The following COPG2 variants were observed in gnomAD, a reference collection of about 807,000 sequenced individuals.
COPG2 encodes coatomer subunit gamma-2.
A neutral mutation model predicts 46.3 loss-of-function variants in COPG2; 37 were observed. That is an observed-to-expected ratio of 0.80 (90% CI 0.61 to 1.05). The LOEUF (loss-of-function observed/expected upper bound fraction) is 1.05, where lower values mean the gene tolerates loss of function less well. Ranked by LOEUF, COPG2 falls within the 50% of genes least tolerant of loss-of-function variation. The pLI is 0.00. For missense variants in COPG2, 427 were observed against 387.8 expected, an observed-to-expected ratio of 1.10 and a Z score of -0.85; for synonymous variants, 159 against 129.7, an observed-to-expected ratio of 1.23 and a Z score of -1.53.
At chr7:130,622,701 T>TAA (rs1191773174) in intron 5 of COPG2, among the ~76,000 whole-genome samples, 1 of 152,140 alleles carries the variant, frequency 6.6e-6, no homozygotes, top group Non-Finnish European at 1.5e-5. Flanking sequence ...CATTCTACAT[T>TAA]TCCTTCCCCA....
chr7:130,552,281 G>A (rs1159481509), intron 15 of COPG2, 74 bp downstream of exon 15: 1 of 396,368 alleles, frequency 2.5e-6, no homozygotes, highest in Non-Finnish European at 4.4e-6. Flanking sequence ...TCCGCCCTAT[G>A]GTAGAATGAG....
chr7:130,667,182 T>C (rs954534833), intron 2 of COPG2, among the ~76,000 whole-genome samples: 30 of 152,244 alleles, frequency 2.0e-4, no homozygotes, highest in African/African-American at 6.5e-4. Context: ...AATACTTATC[T>C]ATATCATACT....
intron 14 of COPG2, among the ~76,000 whole-genome samples, chr7:130,553,651 G>A (rs1389151990): frequency 6.6e-6 from 1 of 152,186 alleles, no homozygotes; most frequent in Non-Finnish European, 1.5e-5. Context: ...GACATGACTG[G>A]AATGTCACAG....
At chr7:130,629,406 T>TTC in intron 5 of COPG2, among the ~76,000 whole-genome samples, 1 of 151,610 alleles carries the variant, frequency 6.6e-6, no homozygotes, top group African/African-American at 2.4e-5. Context: ...ATCATTTTTT[T>TTC]TTTTTTGAGA....
At chr7:130,602,238 G>A (rs1157673654) in intron 9 of COPG2, among the ~76,000 whole-genome samples, 1 of 152,006 alleles carries the variant, frequency 6.6e-6, no homozygotes, top group Non-Finnish European at 1.5e-5. Context: ...TCTATTTGAA[G>A]GCTTTACCTC....
At chr7:130,510,905 G>C (rs782598044) in intron 20 of COPG2, 6 of 519,884 alleles carry the variant, frequency 1.2e-5, no homozygotes, top group Non-Finnish European at 2.3e-5. Flanking sequence ...GTAAATATGA[G>C]AGTTACACAG....
intron 5 of COPG2, among the ~76,000 whole-genome samples, chr7:130,617,341 C>T (rs782034636): frequency 2.6e-5 from 4 of 152,134 alleles, no homozygotes; most frequent in Non-Finnish European, 5.9e-5. Flanking sequence ...ATCACGTAAA[C>T]AAAACAACCC....
intron 6 of COPG2, among the ~76,000 whole-genome samples, chr7:130,615,242 T>A (rs1172670136): frequency 6.6e-6 from 1 of 152,260 alleles, no homozygotes; most frequent in South Asian, 2.1e-4. Flanking sequence ...CATTCTTTTA[T>A]ACTTATAGCC....
At chr7:130,571,860 T>TATAC (rs1793909104) in intron 9 of COPG2, among the ~76,000 whole-genome samples, 1 of 151,760 alleles carries the variant, frequency 6.6e-6, no homozygotes, top group Non-Finnish European at 1.5e-5. Context: ...TATATATATA[T>TATAC]ACACAAACGC....
intron 5 of COPG2, among the ~76,000 whole-genome samples, chr7:130,646,636 G>C (rs1238729152): frequency 1.3e-5 from 2 of 151,956 alleles, no homozygotes; most frequent in Non-Finnish European, 2.9e-5. Flanking sequence ...ATCTCATCTC[G>C]AATTGCAATC....
At chr7:130,612,376 T>C (rs1554452252) in intron 7 of COPG2, 138 bp from the exon 8 acceptor site, 2 of 600,286 alleles carry the variant, frequency 3.3e-6, no homozygotes, top group Non-Finnish European at 5.7e-6. Flanking sequence ...GTCTATTTTG[T>C]GTCTTTACTC....
intron 20 of COPG2, among the ~76,000 whole-genome samples, chr7:130,542,247 G>T (rs1468044896): frequency 6.7e-6 from 1 of 149,610 alleles, no homozygotes; most frequent in Non-Finnish European, 1.5e-5. Context: ...GCATGGTGTG[G>T]GTAAGACACG....
At chr7:130,572,088 G>T (rs1279410108) in intron 9 of COPG2, among the ~76,000 whole-genome samples, 6 of 151,952 alleles carry the variant, frequency 3.9e-5, no homozygotes, top group African/African-American at 1.5e-4. Flanking sequence ...TTGGGGACTT[G>T]GGGGGAAGAG....
At chr7:130,533,369 T>G (rs1275118711) in intron 20 of COPG2, among the ~76,000 whole-genome samples, 2 of 151,400 alleles carry the variant, frequency 1.3e-5, no homozygotes, top group African/African-American at 4.9e-5. Context: ...ACATGGGGAA[T>G]CCAGAGACTT....
In COPG2 at chr7:130,513,306, AAAATATAT is replaced by A. The variant is rs1325789491; in HGVS notation, c.2150-4655_2150-4648del. Among the ~76,000 whole-genome samples, 190 of 48,938 alleles carry A rather than the reference AAAATATAT, an allele frequency of 3.9e-3. 5 individuals carry two copies. Among genetic ancestry groups the A allele is most frequent in the African/African-American group, 0.016 (182 of 11,200 alleles). The allele number at this position is 48,938 out of a possible 152,430, so 32.1% of individuals were successfully genotyped here. The stretch of plus-strand genomic sequence containing the variant: ...AATTCTGTCTAAAAAAAAAAAAAAA[AAAATATAT>A]ATATATATATATATATATATATATA... On this transcript the variant is annotated intron_variant, in intron 20 of 23. Transcript: ENST00000425248.
intron 9 of COPG2, among the ~76,000 whole-genome samples, chr7:130,584,741 A>G (rs898715601): frequency 2.6e-5 from 4 of 152,084 alleles, no homozygotes; most frequent in Non-Finnish European, 4.4e-5. Context: ...ACTTAGGAAT[A>G]TATCTAACCA....
intron 9 of COPG2, among the ~76,000 whole-genome samples, chr7:130,579,585 T>G (rs1246535554): frequency 9.7e-4 from 147 of 152,292 alleles, no homozygotes; most frequent in African/African-American, 3.2e-3. Flanking sequence ...CCCATCAGTG[T>G]GCTGTATTCA....
At chr7:130,536,270 G>C (rs1799878251) in intron 20 of COPG2, among the ~76,000 whole-genome samples, 1 of 152,092 alleles carries the variant, frequency 6.6e-6, no homozygotes, top group South Asian at 2.1e-4. Flanking sequence ...TTATGAGTAG[G>C]AAGTGTACCT....
In COPG2 at chr7:130,641,574, T is replaced by C. The variant is rs565759838; in HGVS notation, c.323+11295A>G. Among the ~76,000 whole-genome samples, 23 of 152,242 alleles carry C rather than the reference T, an allele frequency of 1.5e-4. 1 individual carries two copies. The South Asian group carries it at 4.6e-3, about 30-fold the overall frequency. On this transcript the variant is annotated intron_variant, in intron 5 of 23. Transcript: ENST00000425248. ...AAACTGGGAAAGAGGTCAGGTAAAATGTGGACAGAAAATTAACTTTTAAAA... is the reference window on the plus strand; with the variant it reads ...AAACTGGGAAAGAGGTCAGGTAAAACGTGGACAGAAAATTAACTTTTAAAA...
Sources: gnomAD v4.1 joint callset for allele counts (sites outside exome capture counted in the v4.1 genomes callset) on GRCh38, gnomAD v4.1.1 for gene constraint, MANE v1.5 for transcripts, NCBI Gene and HGNC (gene_info 2026-07-23, HGNC 2026-07-21) for gene names.